Variants in CADPS observed in about 807,000 individuals in gnomAD.
CADPS encodes the protein calcium-dependent secretion activator 1.
In CADPS, 57 loss-of-function variants were observed where a neutral mutation model predicts 167.3. The ratio of observed to expected loss-of-function variants is 0.34; its 90% CI spans 0.28 to 0.42. CADPS has a LOEUF of 0.42. Ranked by LOEUF, CADPS falls within the 20% of genes least tolerant of loss-of-function variation. The probability of loss-of-function intolerance (pLI) is 1.00; values close to 1 mark genes in which losing one functional copy is unlikely to be tolerated. For missense variants in CADPS, 1,414 were observed against 1,738.1 expected (o/e 0.81, Z 3.32); for synonymous variants, 676 against 635.3 (o/e 1.06, Z -0.96).
At chr3:62,702,010 G>T (rs4688314) in intron 3 of CADPS, among the ~76,000 whole-genome samples, 70,022 of 151,884 alleles carry the variant, frequency 0.46, 17,440 homozygotes, top group East Asian at 0.86. Context: ...CTTATTTACC[G>T]AGTGCCAGAT....
chr3:62,658,600 T>A (rs1219959067), intron 4 of CADPS, among the ~76,000 whole-genome samples: 1 of 152,108 alleles, frequency 6.6e-6, no homozygotes, highest in African/African-American at 2.4e-5. Flanking sequence ...AGATGTAAAA[T>A]GCTTAAAAGA....
chr3:62,824,442 G>A (rs566453732), intron 1 of CADPS, among the ~76,000 whole-genome samples: 34 of 152,266 alleles, frequency 2.2e-4, no homozygotes, highest in Admixed American at 6.5e-4. Flanking sequence ...TCCCTCCAAT[G>A]TTAGAAGTCA....
intron 11 of CADPS, among the ~76,000 whole-genome samples, chr3:62,541,983 T>C (rs1462713591): frequency 3.3e-5 from 5 of 152,218 alleles, no homozygotes; most frequent in African/African-American, 1.2e-4. Context: ...TATTGAAATT[T>C]TCCTATTATA....
At chr3:62,444,148 C>A (rs1051777211) in intron 27 of CADPS, among the ~76,000 whole-genome samples, 12 of 152,174 alleles carry the variant, frequency 7.9e-5, no homozygotes, top group Admixed American at 3.3e-4. Flanking sequence ...TGAGATACCC[C>A]CTCTGCTCTG....
chr3:62,471,535 G>A (rs1373105605), intron 24 of CADPS, among the ~76,000 whole-genome samples: 1 of 152,052 alleles, frequency 6.6e-6, no homozygotes, highest in Non-Finnish European at 1.5e-5. Flanking sequence ...AAGCAAAACA[G>A]CCCAGATCAA....
intron 6 of CADPS, among the ~76,000 whole-genome samples, chr3:62,617,056 G>T (rs1197279303): frequency 2.0e-5 from 3 of 152,082 alleles, no homozygotes; most frequent in Non-Finnish European, 4.4e-5. Flanking sequence ...TCTACTCTTT[G>T]TATATCACAA....
intron 3 of CADPS, among the ~76,000 whole-genome samples, chr3:62,725,625 A>C (rs1183586630): frequency 6.7e-6 from 1 of 149,566 alleles, no homozygotes; most frequent in African/African-American, 2.6e-5. Context: ...TATGTGCAAA[A>C]TATTTAGACA....
intron 2 of CADPS, among the ~76,000 whole-genome samples, chr3:62,756,144 C>T (rs2083853271): frequency 6.6e-6 from 1 of 151,918 alleles, no homozygotes; most frequent in South Asian, 2.1e-4. Flanking sequence ...CCTCTGCCTC[C>T]TGGGTTCAAG....
chr3:62,412,146 A>AT lies in CADPS; in HGVS notation c.3778-8962dup, dbSNP rs60203483. ...AGTGTCATTTTTAGTTGAGGGTAGG[A>AT]TTTTTTTTTTTTTTTTTTAACGTCC... On this transcript the variant is annotated intron_variant, in intron 28 of 29. Transcript: ENST00000383710. The surrounding 1 kb of genome is among the most constrained non-coding windows in gnomAD (Gnocchi z 4.1). 0.064 allele frequency among the ~76,000 whole-genome samples: 9,057 copies of AT among 140,542 alleles called. 333 individuals are homozygous for AT. Among genetic ancestry groups the AT allele is most frequent in the South Asian group, 0.088 (383 of 4,336 alleles). 92.2% of individuals were successfully genotyped at this position (140,542 alleles called of 152,430 possible). A position where few individuals can be genotyped will look rare whatever the true frequency, so the allele number is the denominator to read the frequency against.
chr3:62,753,825 A>G lies in CADPS; in HGVS notation c.556-52T>C, dbSNP rs1371539657. 6.5e-7 allele frequency: 1 copy of G among 1,526,820 alleles called. No individual in the cohort carries two copies. Among genetic ancestry groups the G allele is most frequent in the East Asian group, 2.3e-5 (1 of 43,258 alleles). The allele number at this position is 1,526,820 out of a possible 1,614,324, so 94.6% of individuals were successfully genotyped here. ...CAGTAGGAGAGTTTACCACAGAGGT[A>G]CCAGTTCCCTGGGGCTGGACACTGG... On this transcript the variant is annotated intron_variant, in intron 2 of 29. Coordinates refer to ENST00000383710, the MANE Select transcript of CADPS (RefSeq NM_003716.4). The surrounding 1 kb of genome is among the most constrained non-coding windows in gnomAD (Gnocchi z 4.6).
intron 1 of CADPS, among the ~76,000 whole-genome samples, chr3:62,835,217 C>G (rs917545037): frequency 6.6e-6 from 1 of 151,960 alleles, no homozygotes; most frequent in Non-Finnish European, 1.5e-5. Context: ...ATAAAATTAC[C>G]TTTTCCCATT....
At chr3:62,682,161 C>T (rs1397785100) in intron 3 of CADPS, among the ~76,000 whole-genome samples, 4 of 152,074 alleles carry the variant, frequency 2.6e-5, no homozygotes, top group Non-Finnish European at 5.9e-5. Context: ...AATCCTACTT[C>T]ACAGTTCACA....
intron 3 of CADPS, among the ~76,000 whole-genome samples, chr3:62,665,087 C>G (rs62242517): frequency 6.6e-6 from 1 of 152,056 alleles, no homozygotes; most frequent in South Asian, 2.1e-4. Flanking sequence ...TTTATTGATG[C>G]CTGTACCAAA....
Position 62,465,560 on chromosome 3 carries a change from T to A in CADPS, c.3553-110A>T. On this transcript the variant is annotated intron_variant, in intron 25 of 29. Coordinates refer to ENST00000383710, the MANE Select transcript of CADPS (RefSeq NM_003716.4). The surrounding 1 kb of genome is among the most constrained non-coding windows in gnomAD (Gnocchi z 4.1). ...GGCTGGGATCGAGCCCTCCGTTCAT[T>A]TCTGCAGTCTATTATTTGATTCCCG... 1 of 648,084 alleles carries A rather than the reference T, an allele frequency of 1.5e-6. No individual in the cohort carries two copies. The highest frequency in any genetic ancestry group is 2.6e-6 in the Non-Finnish European group (1 of 380,254). The allele number at this position is 648,084 out of a possible 1,614,324, so 40.1% of individuals were successfully genotyped here. A position where few individuals can be genotyped will look rare whatever the true frequency, so the allele number is the denominator to read the frequency against.
At chr3:62,410,789 C>T (rs760187447) in intron 28 of CADPS, among the ~76,000 whole-genome samples, 2 of 152,156 alleles carry the variant, frequency 1.3e-5, no homozygotes, top group African/African-American at 2.4e-5. Context: ...GTGTGAACTA[C>T]TCAGGGTTGT....
rs145996314 is a variant in CADPS, at chr3:62,557,178, AG to A, written c.1753+226del. On this transcript the variant is annotated intron_variant, in intron 10 of 29. Coordinates refer to ENST00000383710, the MANE Select transcript of CADPS (RefSeq NM_003716.4). The stretch of plus-strand genomic sequence containing the variant: ...TGCTCTTACTTTTTGGGTTTAAATT[AG>A]AGAATCCCTTGAGTAAAACCAAAGC... Among the ~76,000 whole-genome samples, 719 of 152,180 alleles carry A rather than the reference AG, an allele frequency of 4.7e-3. 4 individuals are homozygous for A. Among genetic ancestry groups the A allele is most frequent in the African/African-American group, 0.017 (692 of 41,498 alleles).
intron 3 of CADPS, among the ~76,000 whole-genome samples, chr3:62,711,179 C>G (rs950927029): frequency 6.6e-6 from 1 of 151,872 alleles, no homozygotes; most frequent in African/African-American, 2.4e-5. Flanking sequence ...TATTGATATA[C>G]ATATATCAGA....
At chr3:62,725,302 G>C (rs568194368) in intron 3 of CADPS, among the ~76,000 whole-genome samples, 27 of 152,198 alleles carry the variant, frequency 1.8e-4, no homozygotes, top group Non-Finnish European at 3.1e-4. Flanking sequence ...TTTCTATTTT[G>C]AGTAAATTTT....
chr3:62,426,731 GC>G (rs769218635), intron 28 of CADPS, among the ~76,000 whole-genome samples: 2 of 152,142 alleles, frequency 1.3e-5, no homozygotes, highest in Non-Finnish European at 2.9e-5. Flanking sequence ...CAAAGCCTAT[GC>G]TCCTAACATC....
Sources: allele counts gnomAD v4.1 joint callset (sites outside exome capture counted in the v4.1 genomes callset), GRCh38; gene constraint gnomAD v4.1.1; non-coding constraint Gnocchi (gnomAD v3.1); transcripts MANE v1.5; gene names NCBI Gene and HGNC (gene_info 2026-07-23, HGNC 2026-07-21).